Variants in DENND2B observed in about 807,000 individuals in gnomAD.
The protein encoded by DENND2B is DENN domain-containing protein 2B.
Under a neutral mutation model 116.0 loss-of-function variants are expected in DENND2B, and 32 were observed. The observed-to-expected ratio is 0.28, with a 90% CI of 0.21 to 0.37. The LOEUF (loss-of-function observed/expected upper bound fraction) is 0.37. Ranked by LOEUF, DENND2B falls within the 10% of genes least tolerant of loss-of-function variation. DENND2B has a pLI of 1.00. For synonymous variants in DENND2B, 588 were observed against 583.9 expected (o/e 1.01, Z -0.10); for missense variants, 1,276 against 1,477.7 (o/e 0.86, Z 2.24).
At chr11:8,905,388 T>C (rs1306740898) in intron 1 of DENND2B, among the ~76,000 whole-genome samples, 2 of 152,140 alleles carry the variant, frequency 1.3e-5, no homozygotes, top group African/African-American at 2.4e-5. Flanking sequence ...ACATAAAAAT[T>C]AATGCAAAAT....
At chr11:8,863,599 C>T (rs915179642) in intron 2 of DENND2B, among the ~76,000 whole-genome samples, 2 of 151,956 alleles carry the variant, frequency 1.3e-5, no homozygotes, top group Non-Finnish European at 2.9e-5. Flanking sequence ...AAAAGAGTGA[C>T]CTGTCAATGT....
At chr11:8,873,511 T>C (rs1334668356), upstream of DENND2B, among the ~76,000 whole-genome samples, 1 of 152,238 alleles carries the variant, frequency 6.6e-6, no homozygotes, top group Admixed American at 6.5e-5. Context: ...TATGTGACTA[T>C]TAGTTCATCT....
rs947222854 is a variant in DENND2B, at chr11:8,771,124, A to G, written c.-25-20399T>C. Among the ~76,000 whole-genome samples, 9 of 152,306 alleles carry G rather than the reference A, an allele frequency of 5.9e-5. No homozygotes were observed. In the South Asian group the frequency reaches 1.0e-3, roughly 18 times the overall value. ...ACTAGAGGCTTTTCCTCGAAAACAT[A>G]TCAAATGAAATGTGCAAGAGCAGCG... On this transcript the variant is annotated intron_variant, in intron 1 of 19. Coordinates refer to ENST00000313726, the MANE Select transcript of DENND2B (RefSeq NM_213618.2).
At chr11:8,834,046 C>G (rs2062321929) in intron 4 of DENND2B, among the ~76,000 whole-genome samples, 1 of 152,112 alleles carries the variant, frequency 6.6e-6, no homozygotes, top group South Asian at 2.1e-4. Flanking sequence ...AAAGAGCATC[C>G]CTGGGCACCA....
chr11:8,836,800 G>C (rs967739322), intron 4 of DENND2B, among the ~76,000 whole-genome samples: 4 of 151,938 alleles, frequency 2.6e-5, no homozygotes, highest in African/African-American at 9.7e-5. Context: ...CTGCAGTCTC[G>C]ACCTCCCTGG....
chr11:8,717,656 G>GTA, intron 5 of DENND2B, 85 bp downstream of exon 5: 14 of 1,455,606 alleles, frequency 9.6e-6, no homozygotes, highest in Admixed American at 9.6e-5. Flanking sequence ...AAGCCTGAGT[G>GTA]GAAGCTGGGC....
chr11:8,896,710 C>T (rs188710573), intron 1 of DENND2B, among the ~76,000 whole-genome samples: 20 of 152,330 alleles, frequency 1.3e-4, no homozygotes, highest in Admixed American at 2.6e-4. Flanking sequence ...AGATATTCAA[C>T]ACTTTATTAT....
chr11:8,729,817 T>C, intron 3 of DENND2B, 133 bp downstream of exon 3: 1 of 1,225,272 alleles, frequency 8.2e-7, no homozygotes, highest in Non-Finnish European at 1.1e-6. Context: ...AACTACCACC[T>C]AACAATTATT....
intron 8 of DENND2B, among the ~76,000 whole-genome samples, chr11:8,713,602 G>A (rs1480769337): frequency 6.6e-6 from 1 of 152,074 alleles, no homozygotes; most frequent in East Asian, 1.9e-4. Context: ...GGCTGGTCTC[G>A]AACTCCTGAC....
At position 8,849,151 on chromosome 11, in the gene DENND2B, A is replaced by G. The variant is rs1216764057; in HGVS notation, c.-156+8192T>C. ...ACCATTCTGCAAATATTCACTGAAC[A>G]CTTAAAATAAGACAGTCACTGCTAA... is the stretch of plus-strand genomic sequence containing the variant. On this transcript the variant is annotated intron_variant, in intron 3 of 6. Coordinates refer to the DENND2B transcript ENST00000524757. 2.0e-5 allele frequency among the ~76,000 whole-genome samples: 3 copies of G among 152,106 alleles called. 1 individual carries two copies. The highest frequency in any genetic ancestry group is 7.2e-5 in the African/African-American group (3 of 41,392).
intron 5 of DENND2B, among the ~76,000 whole-genome samples, chr11:8,716,044 A>T (rs2044698689): frequency 6.6e-6 from 1 of 152,240 alleles, no homozygotes; most frequent in Admixed American, 6.5e-5. Context: ...CTGCCAGCAA[A>T]AAACGAAAGC....
rs1445038549 is a variant in DENND2B at position 8,712,159 on chromosome 11, T to C, written c.2172+392A>G. On this transcript the variant is annotated intron_variant, in intron 9 of 19. Transcript: ENST00000313726. This position sits in a 1 kb window ranked among gnomAD's most constrained non-coding sequence, Gnocchi z 4.4. ...ACAGGCTGGTGGGAGAAGTGCGGAG[T>C]GACAGCTAGTGGGTGCAGAGTTTCT... 5 of 362,808 alleles carry C rather than the reference T, an allele frequency of 1.4e-5. No homozygotes were observed. The highest frequency in any genetic ancestry group is 2.8e-5 in the Non-Finnish European group (5 of 181,456). The allele number at this position is 362,808 out of a possible 1,614,324, so 22.5% of individuals were successfully genotyped here. A position where few individuals can be genotyped will look rare whatever the true frequency, so the allele number is the denominator to read the frequency against.
intron 2 of DENND2B, among the ~76,000 whole-genome samples, chr11:8,735,143 G>A (rs571867936): frequency 1.7e-4 from 26 of 152,258 alleles, no homozygotes; most frequent in African/African-American, 6.3e-4. Context: ...AATACAATGT[G>A]GCAGTGGAAA....
intron 13 of DENND2B, among the ~76,000 whole-genome samples, chr11:8,704,509 T>C (rs941616696): frequency 2.0e-5 from 3 of 152,250 alleles, no homozygotes; most frequent in South Asian, 4.1e-4. Context: ...AAGCCTAAAG[T>C]TCCTCTAAAT....
chr11:8,781,316 T>C (rs748488581), intron 1 of DENND2B, among the ~76,000 whole-genome samples: 25 of 152,146 alleles, frequency 1.6e-4, no homozygotes, highest in Non-Finnish European at 7.4e-5. Flanking sequence ...CAGCCCGGGC[T>C]TGGAAGCAAC....
In DENND2B at chr11:8,890,217, A is replaced by G. The variant is rs563253813; in HGVS notation, c.-255-9108T>C. On this transcript the variant is annotated intron_variant, in intron 1 of 22. Transcript: ENST00000534127. ...GAAGGAAAACTAACAAACAGAAAGG[A>G]CATCCACACCAAAACCCCATATGTA... Among the ~76,000 whole-genome samples, 6 of 152,366 alleles carry G rather than the reference A, an allele frequency of 3.9e-5. No individual in the cohort carries two copies. The East Asian group carries it at 1.2e-3, about 29-fold the overall frequency.
At chr11:8,847,387 C>CAA (rs1449735653) in intron 3 of DENND2B, among the ~76,000 whole-genome samples, 1 of 152,162 alleles carries the variant, frequency 6.6e-6, no homozygotes, top group African/African-American at 2.4e-5. Flanking sequence ...CAAAATACCT[C>CAA]AATTCCTTTA....
At chr11:8,894,417 G>A (rs1037035416) in intron 1 of DENND2B, among the ~76,000 whole-genome samples, 1 of 151,986 alleles carries the variant, frequency 6.6e-6, no homozygotes, top group African/African-American at 2.4e-5. Context: ...TTAAACTAAA[G>A]AGCTTCTGCA....
chr11:8,743,193 A>G (rs2050547049), intron 2 of DENND2B, among the ~76,000 whole-genome samples: 2 of 152,156 alleles, frequency 1.3e-5, no homozygotes, highest in Admixed American at 1.3e-4. Flanking sequence ...TTGTACTTTA[A>G]TTGTCCCTCA....
Sources: gnomAD v4.1 joint callset for allele counts (sites outside exome capture counted in the v4.1 genomes callset) on GRCh38, gnomAD v4.1.1 for gene constraint, Gnocchi (gnomAD v3.1) non-coding constraint, MANE v1.5 for transcripts, NCBI Gene and HGNC (gene_info 2026-07-23, HGNC 2026-07-21) for gene names.